The following ABLIM1 variants were observed in gnomAD, a reference collection of about 807,000 sequenced individuals.
The protein encoded by ABLIM1 is actin-binding LIM protein 1.
In ABLIM1, 40 loss-of-function variants were observed where a neutral mutation model predicts 107.0. That is an observed-to-expected ratio of 0.37 (90% CI 0.29 to 0.49). The LOEUF (loss-of-function observed/expected upper bound fraction) is 0.49, where lower values mean the gene tolerates loss of function less well. ABLIM1 is among the 20% of genes least tolerant of loss of function. ABLIM1 has a pLI of 0.97. For missense variants in ABLIM1, 857 were observed against 1,008.5 expected, an observed-to-expected ratio of 0.85 and a Z score of 2.04; for synonymous variants, 357 against 357.3, an observed-to-expected ratio of 1.00 and a Z score of 0.01.
At position 114,613,750 on chromosome 10, in the gene ABLIM1, T is replaced by G. The variant is rs971967144; in HGVS notation, c.245-11789A>C. On this transcript the variant is annotated intron_variant, in intron 1 of 22. Coordinates refer to ENST00000533213, the MANE Select transcript of ABLIM1 (RefSeq NM_002313.7). ...ACTTGCAATGTCAAACATTCTAGAA[T>G]GCTACACATTCTAGAACTACTCTCT... 4.6e-6 allele frequency: 6 copies of G among 1,305,422 alleles called. No individual in the cohort carries two copies. The African/African-American group carries it at 9.1e-5, about 20-fold the overall frequency. The allele number at this position is 1,305,422 out of a possible 1,614,324, so 80.9% of individuals were successfully genotyped here. A position where few individuals can be genotyped will look rare whatever the true frequency, so the allele number is the denominator to read the frequency against.
chr10:114,447,914 G>A lies in ABLIM1; in HGVS notation c.1701C>T (p.Asp567=), dbSNP rs1589761448. ...CAAATGAGGGGGGACCAGGCCAGTG[G>A]TCCGTCTCAATCTTTGGTGTCTCGC... ...DPSETPKIET[D]HWPGPPSFAV... Residue 567 remains aspartate (D), a synonymous_variant, in exon 15 of 23, where the codon GAC becomes GAT. Coordinates refer to ENST00000533213, the MANE Select transcript of ABLIM1 (RefSeq NM_002313.7). 1 of 1,614,110 alleles carries A rather than the reference G, an allele frequency of 6.2e-7. No homozygotes were observed. The highest frequency in any genetic ancestry group is 8.5e-7 in the Non-Finnish European group (1 of 1,180,012).
chr10:114,753,255 G>A (rs1034493018), intron 1 of ABLIM1, among the ~76,000 whole-genome samples: 2 of 152,188 alleles, frequency 1.3e-5, no homozygotes, highest in African/African-American at 4.8e-5. Flanking sequence ...GATGGTACAC[G>A]AAGAGAGCAT....
At chr10:114,510,655 T>C (rs979446032) in intron 6 of ABLIM1, among the ~76,000 whole-genome samples, 1 of 100,784 alleles carries the variant, frequency 9.9e-6, no homozygotes, top group Non-Finnish European at 1.9e-5. Context: ...TTTATTTTAT[T>C]ATTTTTTTTT....
At chr10:114,794,589 G>T in the ABLIM1 span, among the ~76,000 whole-genome samples, 29 of 152,290 alleles carry the variant, frequency 1.9e-4, 1 homozygote, top group Admixed American at 1.7e-3. Flanking sequence ...ATACATATTT[G>T]TGTTTTTTGG....
In ABLIM1 at chr10:114,453,426, G is replaced by A. The variant is rs141909908; in HGVS notation, c.1499C>T (p.Pro500Leu). The A allele has an allele frequency of 6.2e-7, 1 of 1,613,782 alleles. No homozygotes were observed. Among genetic ancestry groups the A allele is most frequent in the Non-Finnish European group, 8.5e-7 (1 of 1,179,882 alleles). Residue 500 changes from proline (P) to leucine (L), a missense_variant, in exon 13 of 23, where the codon CCT (proline) becomes CTT (leucine). Physicochemically the swap from Pro to Leu is moderately conservative, Grantham distance 98. Coordinates refer to ENST00000533213, the MANE Select transcript of ABLIM1 (RefSeq NM_002313.7). The stretch of plus-strand genomic sequence containing the variant: ...GGCCTGAGCGTAAGTTGGAGTTAGA[G>A]GGCGGCTGTCTGGCCGGTAAGGGAG... ...SPLPYRPDSR[P>L]LTPTYAQAPK... is the part of the protein sequence containing the mutation.
chr10:114,722,370 G>A (rs1042684673), intron 1 of ABLIM1, among the ~76,000 whole-genome samples: 5 of 152,120 alleles, frequency 3.3e-5, no homozygotes, highest in Admixed American at 6.5e-5. Context: ...TCACTATCAC[G>A]AGAACAGCCA....
At chr10:114,528,952 G>A (rs936284467) in intron 6 of ABLIM1, among the ~76,000 whole-genome samples, 1 of 152,114 alleles carries the variant, frequency 6.6e-6, no homozygotes, top group Non-Finnish European at 1.5e-5. Flanking sequence ...TTTTACCTCT[G>A]TAACCCCTGC....
chr10:114,758,341 T>C (rs1288497598), intron 1 of ABLIM1, among the ~76,000 whole-genome samples: 1 of 152,152 alleles, frequency 6.6e-6, no homozygotes, highest in African/African-American at 2.4e-5. Flanking sequence ...GAATAGATTC[T>C]CCTAAAATAA....
intron 2 of ABLIM1, among the ~76,000 whole-genome samples, chr10:114,585,089 T>G (rs531039168): frequency 1.3e-5 from 2 of 152,242 alleles, no homozygotes; most frequent in East Asian, 3.9e-4. Context: ...TACTTTAATA[T>G]CAGGCATTAG....
intron 1 of ABLIM1, among the ~76,000 whole-genome samples, chr10:114,636,580 G>A (rs1169187558): frequency 6.6e-6 from 1 of 152,142 alleles, no homozygotes; most frequent in Admixed American, 6.5e-5. Context: ...CAGGTCAACA[G>A]AATAAAAAGC....
At chr10:114,519,289 C>G (rs1010815015) in intron 6 of ABLIM1, among the ~76,000 whole-genome samples, 1 of 152,208 alleles carries the variant, frequency 6.6e-6, no homozygotes, top group Admixed American at 6.5e-5. Context: ...ATCTGTGGAA[C>G]TTTCCTGCTA....
chr10:114,518,008 G>C (rs996811473), intron 6 of ABLIM1, among the ~76,000 whole-genome samples: 1 of 151,726 alleles, frequency 6.6e-6, no homozygotes, highest in African/African-American at 2.4e-5. Flanking sequence ...CTTAGTGTAT[G>C]GTAAAGGATT....
intron 1 of ABLIM1, among the ~76,000 whole-genome samples, chr10:114,753,529 G>A (rs538204373): frequency 2.6e-4 from 40 of 152,258 alleles, no homozygotes; most frequent in African/African-American, 9.6e-4. Context: ...CATAAAACAT[G>A]AGCAATGTCT....
chr10:114,591,793 T>A (rs993175962), intron 2 of ABLIM1, among the ~76,000 whole-genome samples: 1 of 151,922 alleles, frequency 6.6e-6, no homozygotes, highest in Non-Finnish European at 1.5e-5. Context: ...TTTTTTCAGA[T>A]TTTGGAATAT....
At chr10:114,471,933 T>C (rs1196787286) in intron 10 of ABLIM1, among the ~76,000 whole-genome samples, 1 of 151,680 alleles carries the variant, frequency 6.6e-6, no homozygotes, top group African/African-American at 2.4e-5. Context: ...AGTGAGCCGA[T>C]TGGCCAGGGG....
intron 1 of ABLIM1, among the ~76,000 whole-genome samples, chr10:114,634,754 T>C (rs1039091058): frequency 6.6e-6 from 1 of 152,122 alleles, no homozygotes; most frequent in Non-Finnish European, 1.5e-5. Flanking sequence ...AGCATCTAGT[T>C]GCTAAGTAAT....
At chr10:114,686,040 C>T (rs1250995870), upstream of ABLIM1, among the ~76,000 whole-genome samples, 1 of 152,192 alleles carries the variant, frequency 6.6e-6, no homozygotes, top group African/African-American at 2.4e-5. Context: ...ACCTGCATTG[C>T]ATTGGTTCCT....
intron 5 of ABLIM1, 135 bp downstream of exon 5, chr10:114,547,515 C>T (rs2067508049): frequency 8.3e-7 from 1 of 1,202,076 alleles, no homozygotes; most frequent in Non-Finnish European, 1.1e-6. Context: ...TTTATAGCAA[C>T]AAGTTCATTA....
intron 1 of ABLIM1, among the ~76,000 whole-genome samples, chr10:114,644,306 A>AAACATATATATATAT (rs1408072252): frequency 1.9e-5 from 1 of 52,254 alleles, no homozygotes; most frequent in Non-Finnish European, 3.1e-5. Context: ...AAAAAAAAAA[A>AAACATATATATATAT]ATATATATAT....
Sources: allele counts gnomAD v4.1 joint callset (sites outside exome capture counted in the v4.1 genomes callset), GRCh38; gene constraint gnomAD v4.1.1; transcripts MANE v1.5; gene names NCBI Gene and HGNC (gene_info 2026-07-23, HGNC 2026-07-21).